The following NLRP13 variants were observed in gnomAD, a reference collection of about 807,000 sequenced individuals.
NLRP13 encodes the protein NACHT, LRR and PYD domains-containing protein 13.
Under a neutral mutation model 94.4 loss-of-function variants are expected in NLRP13, and 82 were observed. The ratio of observed to expected loss-of-function variants is 0.87; its 90% CI spans 0.73 to 1.04. The LOEUF is 1.04. Ranked by LOEUF, NLRP13 falls within the 50% of genes least tolerant of loss-of-function variation. The pLI is 0.00. For synonymous variants in NLRP13, 553 were observed against 464.7 expected (o/e 1.19, Z -2.45); for missense variants, 1,426 against 1,230.8 (o/e 1.16, Z -2.37).
intron 4 of NLRP13, among the ~76,000 whole-genome samples, chr19:55,919,876 C>A (rs1751316939): frequency 6.6e-6 from 1 of 152,064 alleles, no homozygotes; most frequent in South Asian, 2.1e-4. Flanking sequence ...ATAGCCAAAA[C>A]AATCAGAAGC....
intron 9 of NLRP13, among the ~76,000 whole-genome samples, chr19:55,900,587 T>C (rs371265981): frequency 1.0e-3 from 149 of 147,302 alleles, no homozygotes; most frequent in African/African-American, 3.4e-3. Flanking sequence ...CTGGCTAACA[T>C]GGTGAAACCC....
chr19:55,898,533 C>A (rs181756361), intron 10 of NLRP13, among the ~76,000 whole-genome samples: 1 of 151,358 alleles, frequency 6.6e-6, no homozygotes, highest in Non-Finnish European at 1.5e-5. Flanking sequence ...TTAGTAGAGA[C>A]GGGGTTTCCC....
rs1986934481 is a variant in NLRP13, at chr19:55,925,008, T to C, written c.347A>G (p.Asp116Gly). The change falls in exon 2 of 11, where the codon GAT becomes GGT. Residue 116 changes from aspartate (D) to glycine (G), a missense_variant. Coordinates refer to ENST00000342929, the MANE Select transcript of NLRP13 (RefSeq NM_176810.2). ...CATCTCTAGATCTTCCTGGGTTGGATCTTGCAGCTCTTGGGTCTGCACATT... is the reference window on the plus strand; with the variant it reads ...CATCTCTAGATCTTCCTGGGTTGGACCTTGCAGCTCTTGGGTCTGCACATT... ...KENVQTQELQDPTQEDLEMLE... is the reference protein window; with the variant it reads ...KENVQTQELQGPTQEDLEMLE... The C allele has an allele frequency of 6.2e-7, 1 of 1,614,040 alleles. No individual in the cohort carries two copies. The highest frequency in any genetic ancestry group is 1.1e-5 in the South Asian group (1 of 91,086).
Position 55,910,651 on chromosome 19 carries a change from C to G in NLRP13, c.2194G>C (p.Asp732His). The G allele has an allele frequency of 6.2e-7, 1 of 1,613,942 alleles. No individual in the cohort carries two copies. Among genetic ancestry groups the G allele is most frequent in the Non-Finnish European group, 8.5e-7 (1 of 1,179,834 alleles). The part of the protein sequence containing the change: ...LVTNENLHEL[D>H]LSNSKLHASS... Reference sequence around the variant, plus strand: ...GCATGAAGTTTGCTGTTACTCAGGTCTAGCTCATGCAGATTCTCATTTGTG... The same window carrying G: ...GCATGAAGTTTGCTGTTACTCAGGTGTAGCTCATGCAGATTCTCATTTGTG... The change falls in exon 6 of 11, where the codon GAC (aspartate) becomes CAC (histidine). Residue 732 changes from aspartate to histidine, a missense_variant. By Grantham distance (81) the Asp-to-His change is moderately conservative. Transcript: ENST00000342929.
intron 9 of NLRP13, 66 bp from the exon 10 acceptor site, chr19:55,899,003 A>G (rs1986094158): frequency 1.3e-6 from 2 of 1,501,030 alleles, no homozygotes; most frequent in Non-Finnish European, 1.8e-6. Context: ...TGTGTTTACA[A>G]CTGCCCATCT....
intron 4 of NLRP13, among the ~76,000 whole-genome samples, chr19:55,922,639 C>T (rs1986860077): frequency 6.6e-6 from 1 of 152,128 alleles, no homozygotes; most frequent in South Asian, 2.1e-4. Context: ...TTGTTTTAAG[C>T]TATCCAGTTT....
At chr19:55,902,248 C>T in intron 8 of NLRP13, 43 bp from the exon 9 acceptor site, 3 of 1,585,418 alleles carry the variant, frequency 1.9e-6, no homozygotes, top group Non-Finnish European at 1.7e-6. Flanking sequence ...AGGGAAGCAG[C>T]CCAGACCCAG....
intron 10 of NLRP13, among the ~76,000 whole-genome samples, chr19:55,897,874 T>C (rs946065555): frequency 6.6e-6 from 1 of 152,172 alleles, no homozygotes. Context: ...CCTAACACTG[T>C]TTCTGAAAAC....
chr19:55,898,206 G>GT lies in NLRP13; in HGVS notation c.2957+563dup, dbSNP rs67273235. On this transcript the variant is annotated intron_variant, in intron 10 of 10. Transcript: ENST00000342929. Reference sequence around the variant, plus strand: ...ATCTAGCAGGAGAGTTTTTGTTTTTGTTTTTGTTTTTTTTTTTTTTGAGAT... The same window carrying GT: ...ATCTAGCAGGAGAGTTTTTGTTTTTGTTTTTTGTTTTTTTTTTTTTTGAGAT... Among the ~76,000 whole-genome samples, 75 of 20,056 alleles carry GT rather than the reference G, an allele frequency of 3.7e-3. 1 individual carries two copies. The highest frequency in any genetic ancestry group is 0.01 in the East Asian group (3 of 298). The allele number at this position is 20,056 out of a possible 152,430, so 13.2% of individuals were successfully genotyped here. A position where few individuals can be genotyped will look rare whatever the true frequency, so the allele number is the denominator to read the frequency against.
downstream of NLRP13, among the ~76,000 whole-genome samples, chr19:55,895,341 A>G (rs1414346441): frequency 6.6e-6 from 1 of 152,140 alleles, no homozygotes; most frequent in Non-Finnish European, 1.5e-5. Context: ...AGATTGCGCC[A>G]CTGCACTCCA....
chr19:55,916,295 C>A (rs1295391143), intron 4 of NLRP13, among the ~76,000 whole-genome samples: 1 of 152,038 alleles, frequency 6.6e-6, no homozygotes, highest in Non-Finnish European at 1.5e-5. Flanking sequence ...ATGCACAATT[C>A]TTGGCATATT....
At position 55,932,258 on chromosome 19, in the gene NLRP13, C is replaced by A; in HGVS notation, c.54G>T (p.Leu18=). 1 of 1,611,798 alleles carries A rather than the reference C, an allele frequency of 6.2e-7. No homozygotes were observed. The highest frequency in any genetic ancestry group is 1.1e-5 in the South Asian group (1 of 90,632). The change falls in exon 1 of 11, where the codon CTG becomes CTT. Residue 18 remains leucine, a synonymous_variant. Transcript: ENST00000342929. ...CPNGGTNQGL[L]PYLMALDQYQ... Reference sequence around the variant, plus strand: ...ACTGATCCAGGGCCATCAGGTAAGGCAGAAGCCCTTGGTTGGTACCACCGT... The same window carrying A: ...ACTGATCCAGGGCCATCAGGTAAGGAAGAAGCCCTTGGTTGGTACCACCGT...
At chr19:55,929,801 T>C (rs1437462901) in intron 1 of NLRP13, among the ~76,000 whole-genome samples, 3 of 149,812 alleles carry the variant, frequency 2.0e-5, no homozygotes, top group African/African-American at 7.4e-5. Context: ...AAGAGGAAAA[T>C]AATAAAGATA....
intron 6 of NLRP13, among the ~76,000 whole-genome samples, chr19:55,909,037 G>T (rs1047420613): frequency 2.6e-5 from 4 of 152,174 alleles, no homozygotes; most frequent in African/African-American, 9.7e-5. Context: ...TTAACTGGTT[G>T]AATCAATGCA....
downstream of NLRP13, among the ~76,000 whole-genome samples, chr19:55,892,918 A>G (rs1568683521): frequency 6.6e-6 from 1 of 152,196 alleles, no homozygotes; most frequent in Non-Finnish European, 1.5e-5. Flanking sequence ...GACCACATGC[A>G]TGTGTGTGTT....
At chr19:55,895,781 A>C (rs1014131688), downstream of NLRP13, among the ~76,000 whole-genome samples, 2 of 152,232 alleles carry the variant, frequency 1.3e-5, no homozygotes, top group Non-Finnish European at 2.9e-5. Context: ...GTGGCTACAC[A>C]GCAGGTGCAC....
At chr19:55,913,406 A>G in intron 4 of NLRP13, 113 bp from the exon 5 acceptor site, 1 of 1,243,596 alleles carries the variant, frequency 8.0e-7, no homozygotes, top group Non-Finnish European at 1.1e-6. Flanking sequence ...TCTGCCTTCC[A>G]GGATTTTGTG....
Position 55,924,736 on chromosome 19 carries a change from G to A in NLRP13, c.389-78C>T. 4 of 1,284,302 alleles carry A rather than the reference G, an allele frequency of 3.1e-6. No homozygotes were observed. In the East Asian group the frequency reaches 9.2e-5, roughly 30 times the overall value. The allele number at this position is 1,284,302 out of a possible 1,614,324, so 79.6% of individuals were successfully genotyped here. Reference sequence around the variant, plus strand: ...CCAGCAATAATGGAAGCCCCCAGTAGAACCAACTTTTTCTATGGCAAACGG... The same window carrying A: ...CCAGCAATAATGGAAGCCCCCAGTAAAACCAACTTTTTCTATGGCAAACGG... On this transcript the variant is annotated intron_variant, in intron 2 of 10. Coordinates refer to ENST00000342929, the MANE Select transcript of NLRP13 (RefSeq NM_176810.2).
intron 6 of NLRP13, among the ~76,000 whole-genome samples, chr19:55,909,601 C>G (rs910982419): frequency 6.6e-6 from 1 of 151,854 alleles, no homozygotes; most frequent in African/African-American, 2.4e-5. Context: ...ATTCTCCAAG[C>G]CAATCATGGC....
Sources: gnomAD v4.1 joint callset for allele counts (sites outside exome capture counted in the v4.1 genomes callset) on GRCh38, gnomAD v4.1.1 for gene constraint, MANE v1.5 for transcripts, NCBI Gene and HGNC (gene_info 2026-07-23, HGNC 2026-07-21) for gene names.